The following MLPH variants were observed in gnomAD, a reference collection of about 807,000 sequenced individuals.
The protein encoded by MLPH is melanophilin.
A neutral mutation model predicts 72.1 loss-of-function variants in MLPH; 51 were observed. The observed-to-expected ratio is 0.71, with a 90% CI of 0.56 to 0.89. The LOEUF is 0.89. Ranked by LOEUF, MLPH falls within the 40% of genes least tolerant of loss-of-function variation. The pLI is 0.00. For missense variants in MLPH, 743 were observed against 759.9 expected (o/e 0.98, Z 0.26); for synonymous variants, 301 against 310.1 (o/e 0.97, Z 0.31).
intron 12 of MLPH, among the ~76,000 whole-genome samples, chr2:237,543,079 GA>G (rs1284324038): frequency 2.4e-5 from 2 of 83,056 alleles, no homozygotes; most frequent in East Asian, 4.8e-4. Context: ...AGTGAGTGGG[GA>G]GACAGTGGTG....
intron 11 of MLPH, 35 bp from the exon 12 acceptor site, chr2:237,542,532 G>C (rs1451574379): frequency 1.3e-6 from 2 of 1,533,826 alleles, no homozygotes; most frequent in Admixed American, 3.8e-5. Flanking sequence ...TCGAGCGTCT[G>C]TCTGACGGGC....
intron 8 of MLPH, among the ~76,000 whole-genome samples, chr2:237,529,100 T>C (rs2080366141): frequency 2.6e-5 from 4 of 152,132 alleles, no homozygotes; most frequent in Admixed American, 2.6e-4. Context: ...TGGAGTTTAG[T>C]GGAGCAATCT....
At chr2:237,520,539 AC>A (rs1289364116) in intron 6 of MLPH, among the ~76,000 whole-genome samples, 2 of 152,244 alleles carry the variant, frequency 1.3e-5, no homozygotes, top group African/African-American at 4.8e-5. Flanking sequence ...ATCCAGGTGA[AC>A]AGGACATGTG....
rs1387894943 is a variant in MLPH, at chr2:237,519,976, C to T, written c.622C>T (p.Gln208Ter). 1.2e-6 allele frequency: 2 copies of T among 1,613,986 alleles called. No homozygotes were observed. The highest frequency in any genetic ancestry group is 4.5e-5 in the East Asian group (2 of 44,886). Residue 208 changes from glutamine to a stop codon, truncating the protein, a stop_gained, in exon 6 of 16, where the codon CAA becomes TAA. Transcript: ENST00000264605. LOFTEE classifies it high-confidence loss of function. ...AGACTCAGATGACTCCACTCAGCCT[C>T]AAGGTCACTCCCTGCACCTGTCCTC... is the stretch of plus-strand genomic sequence containing the variant. ...EGDSDDSTQP[Q>*]GHSLHLSSVP...
rs1290175796 is a variant in MLPH, at chr2:237,508,214, C to T, written c.111-2360C>T. The stretch of plus-strand genomic sequence containing the variant: ...GCAACCTCTGCTTCCCTGGTTCAAG[C>T]GACTCTCCTGCCTCAGCCTCCTGAG... On this transcript the variant is annotated intron_variant, in intron 2 of 15. Coordinates refer to ENST00000264605, the MANE Select transcript of MLPH (RefSeq NM_024101.7). 2.0e-5 allele frequency among the ~76,000 whole-genome samples: 3 copies of T among 152,130 alleles called. No individual in the cohort carries two copies. In the East Asian group the frequency reaches 5.8e-4, roughly 29 times the overall value.
intron 6 of MLPH, among the ~76,000 whole-genome samples, chr2:237,522,385 TTCAAACACC>T (rs2080205855): frequency 1.8e-5 from 2 of 113,376 alleles, no homozygotes; most frequent in African/African-American, 3.9e-5. Flanking sequence ...GGCTTGGACC[TTCAAACACC>T]TGCTACAACT....
rs746373731 is a variant in MLPH at position 237,540,519 on chromosome 2, C to G, written c.1276C>G (p.Gln426Glu). The G allele has an allele frequency of 1.2e-6, 2 of 1,611,482 alleles. No homozygotes were observed. The highest frequency in any genetic ancestry group is 8.5e-7 in the Non-Finnish European group (1 of 1,179,778). The change falls in exon 10 of 16, where the codon CAG (glutamine) becomes GAG (glutamate). Residue 426 changes from glutamine to glutamate, a missense_variant. Physicochemically the swap from Gln to Glu is conservative, Grantham distance 29. Transcript: ENST00000264605. ...NRDKSVGPLP[Q>E]ADPEVGTAAH... is the part of the protein sequence containing the mutation. ...GGACAAATCAGTTGGGCCTCTCCCC[C>G]AGGCGGACCCGGAGGTAAGACTATC...
chr2:237,527,920 G>A (rs1299260449), intron 8 of MLPH, among the ~76,000 whole-genome samples: 2 of 152,214 alleles, frequency 1.3e-5, no homozygotes, highest in African/African-American at 4.8e-5. Flanking sequence ...AATGCAGGAT[G>A]TACGCAACAT....
At chr2:237,513,447 A>C (rs1288720582) in intron 4 of MLPH, among the ~76,000 whole-genome samples, 2 of 152,214 alleles carry the variant, frequency 1.3e-5, no homozygotes, top group African/African-American at 4.8e-5. Context: ...GCCTGACGTC[A>C]ACACTAGGTT....
chr2:237,552,074 T>G, intron 14 of MLPH: 1 of 453,028 alleles, frequency 2.2e-6, no homozygotes, highest in Non-Finnish European at 4.0e-6. Flanking sequence ...TGCTGCTTCA[T>G]TAGTGTGAGG....
intron 12 of MLPH, among the ~76,000 whole-genome samples, 153 bp downstream of exon 12, chr2:237,542,812 G>T (rs1416610282): frequency 2.6e-5 from 1 of 38,660 alleles, no homozygotes; most frequent in Admixed American, 1.8e-4. Context: ...TGGAGGGACA[G>T]TGGTGAGTGG....
chr2:237,514,082 AAAG>A (rs1376231062), intron 4 of MLPH, among the ~76,000 whole-genome samples: 20 of 151,984 alleles, frequency 1.3e-4, no homozygotes, highest in African/African-American at 4.8e-4. Flanking sequence ...CTGCGTGTGG[AAAG>A]AAGATTATAT....
Position 237,553,716 on chromosome 2 carries a change from A to T in MLPH, c.*124A>T. On this transcript the variant is annotated 3_prime_UTR_variant, in exon 16 of 16. Coordinates refer to ENST00000264605, the MANE Select transcript of MLPH (RefSeq NM_024101.7). ...ACCGTCCCAATGAGAAACAAGAAGGAGCACCCTCCACATGGACTCCCACCT... is the reference window on the plus strand; with the variant it reads ...ACCGTCCCAATGAGAAACAAGAAGGTGCACCCTCCACATGGACTCCCACCT... 7.4e-7 allele frequency: 1 copy of T among 1,355,168 alleles called. No homozygotes were observed. Among genetic ancestry groups the T allele is most frequent in the Non-Finnish European group, 1.1e-6 (1 of 944,244 alleles). 83.9% of individuals were successfully genotyped at this position (1,355,168 alleles called of 1,614,324 possible). A position where few individuals can be genotyped will look rare whatever the true frequency, so the allele number is the denominator to read the frequency against.
intron 2 of MLPH, among the ~76,000 whole-genome samples, chr2:237,496,318 G>C (rs1486165714): frequency 6.6e-6 from 1 of 152,196 alleles, no homozygotes; most frequent in Non-Finnish European, 1.5e-5. Flanking sequence ...GACAGGCACT[G>C]TCTTCCAGGG....
rs966552252 is a variant in MLPH, at chr2:237,505,655, C to T, written c.111-4919C>T. 6.6e-6 allele frequency among the ~76,000 whole-genome samples: 1 copy of T among 152,224 alleles called. No homozygotes were observed. The highest frequency in any genetic ancestry group is 2.4e-5 in the African/African-American group (1 of 41,460). ...GGGGCAGAGCAGGGCACAGGTCTGA[C>T]CCCTTCACCCTGCGTGGCTCACCAA... is the stretch of plus-strand genomic sequence containing the variant. On this transcript the variant is annotated intron_variant, in intron 2 of 15. Transcript: ENST00000264605. The surrounding 1 kb of genome is among the most constrained non-coding windows in gnomAD (Gnocchi z 4.5).
At chr2:237,539,596 C>A (rs1380475682) in intron 9 of MLPH, among the ~76,000 whole-genome samples, 3 of 152,216 alleles carry the variant, frequency 2.0e-5, no homozygotes, top group Non-Finnish European at 2.9e-5. Context: ...CCAGCGTCCA[C>A]AACAGTTAAA....
intron 6 of MLPH, among the ~76,000 whole-genome samples, chr2:237,524,542 G>A (rs1447525928): frequency 6.6e-6 from 1 of 152,008 alleles, no homozygotes. Flanking sequence ...TTCACTGGCG[G>A]CTGATTAGAT....
intron 2 of MLPH, among the ~76,000 whole-genome samples, chr2:237,508,743 T>C (rs1031848657): frequency 6.6e-6 from 1 of 152,160 alleles, no homozygotes; most frequent in East Asian, 1.9e-4. Context: ...TTTCTCGCCA[T>C]CTCTGTCTTA....
At chr2:237,514,960 C>T (rs2079982506) in intron 4 of MLPH, among the ~76,000 whole-genome samples, 1 of 152,226 alleles carries the variant, frequency 6.6e-6, no homozygotes, top group Non-Finnish European at 1.5e-5. Context: ...CAGGCAGTAA[C>T]AGCGTGTGCT....
Sources: gnomAD v4.1 joint callset for allele counts (sites outside exome capture counted in the v4.1 genomes callset) on GRCh38, gnomAD v4.1.1 for gene constraint, Gnocchi (gnomAD v3.1) non-coding constraint, MANE v1.5 for transcripts, NCBI Gene and HGNC (gene_info 2026-07-23, HGNC 2026-07-21) for gene names.